ZNF208: variants seen among roughly 807,000 people sequenced by gnomAD.
The protein encoded by ZNF208 is zinc finger protein 95.
ZNF208 carries 10 observed loss-of-function variants against 12.1 expected under a neutral mutation model. That is an observed-to-expected ratio of 0.83 (90% CI 0.51 to 1.40). The LOEUF is 1.40. Ranked by LOEUF, ZNF208 falls within the 40% of genes most tolerant of loss-of-function variation. ZNF208 has a pLI of 0.00. For missense variants in ZNF208, 1,652 were observed against 1,485.0 expected, an observed-to-expected ratio of 1.11 and a Z score of -1.85; for synonymous variants, 497 against 488.4, an observed-to-expected ratio of 1.02 and a Z score of -0.23.
In ZNF208 at chr19:21,969,245, A is replaced by G. The variant is rs1256037441; in HGVS notation, c.*1946T>C. On this transcript the variant is annotated 3_prime_UTR_variant, in exon 4 of 4. Coordinates refer to ENST00000397126, the MANE Select transcript of ZNF208 (RefSeq NM_007153.3). ...GGTGATCTGCCCACCTTGGCATCAC[A>G]AAGTATTGGCCACAGTAAGCCAATG... Among the ~76,000 whole-genome samples the G allele has an allele frequency of 6.6e-6, 1 of 151,854 alleles. No homozygotes were observed. The highest frequency in any genetic ancestry group is 6.6e-5 in the Admixed American group (1 of 15,216).
At chr19:21,987,061 C>G in intron 3 of ZNF208, 155 bp downstream of exon 3, 1 of 675,410 alleles carries the variant, frequency 1.5e-6, no homozygotes, top group Admixed American at 3.6e-5. Flanking sequence ...ACCGAAGATG[C>G]CCCTGTGTGA....
At chr19:22,010,738 C>T in intron 1 of ZNF208, 54 bp downstream of exon 1, 5 of 1,614,142 alleles carry the variant, frequency 3.1e-6, no homozygotes, top group Non-Finnish European at 4.2e-6. Flanking sequence ...CACTTCCCAC[C>T]GGTTCCAAGC....
chr19:21,965,568 G>C (rs914834307), downstream of ZNF208: 3 of 151,994 alleles, frequency 2.0e-5, no homozygotes, highest in African/African-American at 7.2e-5. Context: ...CGTAAGAAAA[G>C]TACTCTAAAA....
At chr19:21,953,053 A>G (rs1969917534) in intron 4 of ZNF208, among the ~76,000 whole-genome samples, 1 of 152,352 alleles carries the variant, frequency 6.6e-6, no homozygotes, top group Middle Eastern at 3.4e-3. Context: ...GTTAAGCGGA[A>G]GAAAGGGTAC....
Position 21,973,238 on chromosome 19 carries a change from T to C in ZNF208, c.1796A>G (p.His599Arg), listed in dbSNP as rs750132852. 1.1e-5 allele frequency: 18 copies of C among 1,613,464 alleles called. No homozygotes were observed. The highest frequency in any genetic ancestry group is 5.3e-5 in the African/African-American group (4 of 74,894). The change falls in exon 4 of 4, where the codon CAT (histidine) becomes CGT (arginine). Residue 599 changes from histidine to arginine, a missense_variant. Physicochemically the swap from His to Arg is conservative, Grantham distance 29. Around this residue, in one of 3 missense-constraint regions of ZNF208, gnomAD observed 1,239 missense variants for 1,086.2 expected, o/e 1.14. Transcript: ENST00000397126. ...TTTCTCACCAGTATGAATTCTCTTA[T>C]GTTTAATAAGAATTGCAGATTGGTT... ...AFNQSAILIK[H>R]KRIHTGEKPY...
intron 3 of ZNF208, among the ~76,000 whole-genome samples, chr19:21,983,961 G>C (rs181013075): frequency 1.3e-5 from 2 of 152,076 alleles, no homozygotes; most frequent in Admixed American, 6.6e-5. Flanking sequence ...AAACAAACCT[G>C]CACGTTCTGC....
intron 3 of ZNF208, among the ~76,000 whole-genome samples, chr19:21,985,143 A>G (rs1455389920): frequency 6.6e-6 from 1 of 152,218 alleles, no homozygotes; most frequent in Non-Finnish European, 1.5e-5. Flanking sequence ...GAAATGAGTC[A>G]GCCACAAAAA....
At chr19:21,954,067 T>C (rs1969932512) in intron 4 of ZNF208, among the ~76,000 whole-genome samples, 1 of 152,248 alleles carries the variant, frequency 6.6e-6, no homozygotes, top group Non-Finnish European at 1.5e-5. Flanking sequence ...AGAACATCTT[T>C]ATTTCTGCCT....
At chr19:21,979,016 CA>C (rs1312381496) in intron 3 of ZNF208, among the ~76,000 whole-genome samples, 2 of 151,928 alleles carry the variant, frequency 1.3e-5, no homozygotes, top group Non-Finnish European at 2.9e-5. Flanking sequence ...AGCAAGAAGA[CA>C]AGATTAGACA....
chr19:21,993,051 C>G (rs1178251367), intron 1 of ZNF208, among the ~76,000 whole-genome samples: 4 of 152,104 alleles, frequency 2.6e-5, no homozygotes, highest in Non-Finnish European at 4.4e-5. Context: ...GTGTCAGCAC[C>G]ACAGGTCTAC....
At position 21,971,829 on chromosome 19, in the gene ZNF208, G is replaced by T; in HGVS notation, c.3205C>A (p.Pro1069Thr). ...CEECGKAFSWPSRLTEHKATH... is the reference protein window; with the variant it reads ...CEECGKAFSWTSRLTEHKATH... The stretch of plus-strand genomic sequence containing the variant: ...GCCTTATGTTCAGTAAGTCTTGAGG[G>T]CCAGCTGAAGGCTTTGCCACATTCT... The change falls in exon 4 of 4, where the codon CCC becomes ACC. Residue 1069 changes from proline to threonine, a missense_variant. By Grantham distance (38) the Pro-to-Thr change is conservative (BLOSUM62 -1). Transcript: ENST00000397126. 6.2e-7 allele frequency: 1 copy of T among 1,602,598 alleles called. No individual in the cohort carries two copies. Among genetic ancestry groups the T allele is most frequent in the Non-Finnish European group, 8.5e-7 (1 of 1,176,330 alleles).
intron 1 of ZNF208, among the ~76,000 whole-genome samples, 170 bp from the exon 2 acceptor site, chr19:21,989,079 TTTTTTC>T (rs1408833494): frequency 6.9e-6 from 1 of 144,778 alleles, no homozygotes; most frequent in African/African-American, 2.5e-5. Flanking sequence ...ATTCTCTCTC[TTTTTTC>T]TTTTTTTAAT....
intron 1 of ZNF208, among the ~76,000 whole-genome samples, chr19:21,994,411 G>C (rs1027882629): frequency 6.6e-6 from 1 of 152,010 alleles, no homozygotes; most frequent in Non-Finnish European, 1.5e-5. Context: ...TCTTCTAATC[G>C]GTTCTTTCAG....
At position 22,006,953 on chromosome 19, in the gene ZNF208, A is replaced by G. The variant is rs542436821; in HGVS notation, c.3+3839T>C. On this transcript the variant is annotated intron_variant, in intron 1 of 3. Coordinates refer to ENST00000397126, the MANE Select transcript of ZNF208 (RefSeq NM_007153.3). ...TTATATGGGAACACTTCTAGGAGGTACCAAGTTTCATGACATAAAATTTAC... is the reference window on the plus strand; with the variant it reads ...TTATATGGGAACACTTCTAGGAGGTGCCAAGTTTCATGACATAAAATTTAC... Among the ~76,000 whole-genome samples, 7 of 152,318 alleles carry G rather than the reference A, an allele frequency of 4.6e-5. No homozygotes were observed. The South Asian group carries it at 1.2e-3, about 27-fold the overall frequency.
chr19:21,979,266 C>G (rs1468669436), intron 3 of ZNF208, among the ~76,000 whole-genome samples: 2 of 152,252 alleles, frequency 1.3e-5, no homozygotes, highest in East Asian at 1.9e-4. Flanking sequence ...AACCCCAAGA[C>G]ACAGAATCGT....
intron 1 of ZNF208, among the ~76,000 whole-genome samples, chr19:21,989,629 C>G (rs984955848): frequency 6.6e-6 from 1 of 152,092 alleles, no homozygotes; most frequent in African/African-American, 2.4e-5. Flanking sequence ...AATGTTATTT[C>G]TAGTTCTAGA....
chr19:21,963,642 T>C (rs533550023), downstream of ZNF208, among the ~76,000 whole-genome samples: 139 of 152,170 alleles, frequency 9.1e-4, no homozygotes, highest in Non-Finnish European at 1.6e-3. Context: ...TAGACACTTA[T>C]TGAATCTAGT....
At chr19:21,987,348 AT>A in intron 2 of ZNF208, 37 bp from the exon 3 acceptor site, 1 of 1,574,348 alleles carries the variant, frequency 6.4e-7, no homozygotes, top group Non-Finnish European at 8.6e-7. Context: ...CTTCTTGCTC[AT>A]ATTCTCCAAT....
chr19:21,962,965 C>T (rs945645557), downstream of ZNF208, among the ~76,000 whole-genome samples: 1 of 152,028 alleles, frequency 6.6e-6, no homozygotes, highest in African/African-American at 2.4e-5. Context: ...ATAATAGTCT[C>T]ATCTACGGTT....
Sources: gnomAD v4.1 joint callset for allele counts (sites outside exome capture counted in the v4.1 genomes callset) on GRCh38, gnomAD v4.1.1 for gene constraint, gnomAD v4.1.1 regional missense constraint, MANE v1.5 for transcripts, NCBI Gene and HGNC (gene_info 2026-07-23, HGNC 2026-07-21) for gene names.